MYO3B: variants seen among roughly 807,000 people sequenced by gnomAD.
MYO3B encodes the protein myosin IIIB, also known as myosin-IIIb.
MYO3B carries 156 observed loss-of-function variants against 174.6 expected under a neutral mutation model. The observed-to-expected ratio is 0.89, with a 90% CI of 0.78 to 1.02. The LOEUF is 1.02. MYO3B is among the 50% of genes least tolerant of loss of function. The pLI, the probability that MYO3B is intolerant of heterozygous loss-of-function variation, is 0.00. For missense variants in MYO3B, 1,632 were observed against 1,639.4 expected, an observed-to-expected ratio of 1.00 and a Z score of 0.08; for synonymous variants, 563 against 569.1, an observed-to-expected ratio of 0.99 and a Z score of 0.15.
chr2:170,331,987 C>T (rs1266673556), intron 7 of MYO3B: 3 of 152,200 alleles, frequency 2.0e-5, no homozygotes, highest in African/African-American at 7.2e-5. Flanking sequence ...ACAACCTCCC[C>T]GTCTCTAGGA....
At chr2:170,627,114 G>T (rs1696511018) in intron 32 of MYO3B, among the ~76,000 whole-genome samples, 1 of 152,024 alleles carries the variant, frequency 6.6e-6, no homozygotes, top group Admixed American at 6.6e-5. Context: ...GCTAGGTTGG[G>T]GAAGTTCTCC....
At chr2:170,604,866 A>G (rs1694717238) in intron 32 of MYO3B, among the ~76,000 whole-genome samples, 1 of 152,212 alleles carries the variant, frequency 6.6e-6, no homozygotes, top group Non-Finnish European at 1.5e-5. Flanking sequence ...TGCTGATGGT[A>G]GAAAACAATC....
At chr2:170,340,802 T>C (rs1558905126) in intron 8 of MYO3B, 1 of 152,170 alleles carries the variant, frequency 6.6e-6, no homozygotes, top group Non-Finnish European at 1.5e-5. Context: ...TGGGAGAAGG[T>C]CAGAGGGACC....
intron 23 of MYO3B, 151 bp downstream of exon 23, chr2:170,444,197 G>C (rs1231123798): frequency 2.1e-5 from 11 of 526,898 alleles, no homozygotes; most frequent in Non-Finnish European, 3.6e-5. Flanking sequence ...GAAATCAGGG[G>C]TTAGGAAATT....
At chr2:170,498,108 G>T (rs562909225) in intron 25 of MYO3B, among the ~76,000 whole-genome samples, 1 of 152,062 alleles carries the variant, frequency 6.6e-6, no homozygotes, top group Non-Finnish European at 1.5e-5. Flanking sequence ...TCCTCTATAC[G>T]CTGAGTAAGA....
intron 32 of MYO3B, among the ~76,000 whole-genome samples, chr2:170,618,544 G>A (rs1307385732): frequency 6.6e-6 from 1 of 152,126 alleles, no homozygotes; most frequent in Non-Finnish European, 1.5e-5. Context: ...TTCAGGATCT[G>A]GTCAGCAGCC....
intron 32 of MYO3B, among the ~76,000 whole-genome samples, chr2:170,618,049 C>T (rs777988607): frequency 7.2e-5 from 11 of 152,090 alleles, no homozygotes; most frequent in South Asian, 2.1e-4. Flanking sequence ...AGTGACCAGA[C>T]GGTAGTGTGA....
intron 29 of MYO3B, among the ~76,000 whole-genome samples, chr2:170,517,162 G>A (rs1044380947): frequency 6.6e-6 from 1 of 152,208 alleles, no homozygotes; most frequent in Admixed American, 6.5e-5. Flanking sequence ...GCAAAGCTGG[G>A]GGATGGAGGA....
At chr2:170,450,101 TA>T (rs971497556) in intron 23 of MYO3B, among the ~76,000 whole-genome samples, 11 of 152,212 alleles carry the variant, frequency 7.2e-5, no homozygotes, top group African/African-American at 2.7e-4. Flanking sequence ...TTTTACATAA[TA>T]ATTAAAAGGC....
intron 23 of MYO3B, among the ~76,000 whole-genome samples, chr2:170,454,205 T>A (rs1292512932): frequency 1.3e-5 from 2 of 152,200 alleles, no homozygotes; most frequent in Non-Finnish European, 2.9e-5. Flanking sequence ...TCTTCCTGAT[T>A]GAGGAGAAAT....
intron 17 of MYO3B, among the ~76,000 whole-genome samples, chr2:170,400,593 C>T (rs1446530152): frequency 2.0e-5 from 3 of 150,890 alleles, no homozygotes; most frequent in South Asian, 2.1e-4. Context: ...TTAGTAGAGA[C>T]GGGGTTTCAC....
chr2:170,543,028 A>G, intron 31 of MYO3B, 62 bp downstream of exon 31: 2 of 1,362,518 alleles, frequency 1.5e-6, no homozygotes, highest in Non-Finnish European at 2.1e-6. Context: ...ATCCAAGTTC[A>G]TAGGCATGAA....
At chr2:170,481,069 C>T (rs936752498) in intron 25 of MYO3B, among the ~76,000 whole-genome samples, 2 of 152,166 alleles carry the variant, frequency 1.3e-5, no homozygotes, top group South Asian at 2.1e-4. Context: ...CCAGACATCT[C>T]GAGAAAGGCT....
chr2:170,638,080 ATC>A (rs991537351), intron 32 of MYO3B, among the ~76,000 whole-genome samples: 9 of 125,274 alleles, frequency 7.2e-5, no homozygotes, highest in African/African-American at 2.4e-4. Context: ...TTTCCACTCA[ATC>A]TCTCTCTCCC....
chr2:170,267,064 G>A (rs900943192), intron 7 of MYO3B, among the ~76,000 whole-genome samples: 2 of 152,220 alleles, frequency 1.3e-5, no homozygotes, highest in African/African-American at 4.8e-5. Context: ...AGCCAGGAAA[G>A]CTAGCTAGAC....
At chr2:170,228,825 C>CT (rs1269673382) in intron 6 of MYO3B, among the ~76,000 whole-genome samples, 1 of 152,078 alleles carries the variant, frequency 6.6e-6, no homozygotes, top group Non-Finnish European at 1.5e-5. Flanking sequence ...TAAGAACAGT[C>CT]TAATTTAAAT....
intron 32 of MYO3B, chr2:170,601,571 T>C (rs1285112678): frequency 4.9e-6 from 5 of 1,021,198 alleles, no homozygotes; most frequent in Non-Finnish European, 6.0e-6. Flanking sequence ...GGGGGTTAAA[T>C]GCTTTATAGA....
At chr2:170,377,670 C>T (rs1401797918) in intron 9 of MYO3B, among the ~76,000 whole-genome samples, 3 of 152,172 alleles carry the variant, frequency 2.0e-5, no homozygotes, top group Non-Finnish European at 4.4e-5. Context: ...TAAGCTCCAA[C>T]TCGCAAACTC....
chr2:170,581,569 A>T (rs894811957), intron 32 of MYO3B, among the ~76,000 whole-genome samples: 1 of 151,754 alleles, frequency 6.6e-6, no homozygotes, highest in Non-Finnish European at 1.5e-5. Flanking sequence ...ATATCTTTTT[A>T]AAGTTTTAAT....
Sources: gnomAD v4.1 joint callset for allele counts (sites outside exome capture counted in the v4.1 genomes callset) on GRCh38, gnomAD v4.1.1 for gene constraint, MANE v1.5 for transcripts, NCBI Gene and HGNC (gene_info 2026-07-23, HGNC 2026-07-21) for gene names.